Variants in SH3BGRL2 observed in about 807,000 individuals in gnomAD.
SH3BGRL2 encodes the protein SH3 domain binding glutamate rich protein like 2.
Under a neutral mutation model 14.8 loss-of-function variants are expected in SH3BGRL2, and 21 were observed. The ratio of observed to expected loss-of-function variants is 1.42; its 90% CI spans 1.01 to 2.05. The LOEUF (loss-of-function observed/expected upper bound fraction) is 2.05, where lower values mean the gene tolerates loss of function less well. Ranked by LOEUF, SH3BGRL2 falls within the 30% of genes most tolerant of loss-of-function variation. The probability of loss-of-function intolerance (pLI) is 0.00; values close to 1 mark genes in which losing one functional copy is unlikely to be tolerated. For synonymous variants in SH3BGRL2, 50 were observed against 47.8 expected (o/e 1.05, Z -0.19); for missense variants, 147 against 130.8 (o/e 1.12, Z -0.61).
chr6:79,584,048 A>G, the SH3BGRL2 span, among the ~76,000 whole-genome samples: 46 of 152,282 alleles, frequency 3.0e-4, no homozygotes, highest in African/African-American at 1.1e-3. Context: ...GCTGAATGCA[A>G]TTTGTAGGTC....
the SH3BGRL2 span, among the ~76,000 whole-genome samples, chr6:79,586,937 A>G: frequency 6.6e-6 from 1 of 152,218 alleles, no homozygotes; most frequent in African/African-American, 2.4e-5. Flanking sequence ...CAAACTATAG[A>G]ATGTTTCAGA....
At chr6:79,664,045 T>G (rs1425498913) in intron 1 of SH3BGRL2, among the ~76,000 whole-genome samples, 1 of 152,006 alleles carries the variant, frequency 6.6e-6, no homozygotes, top group African/African-American at 2.4e-5. Flanking sequence ...TGAGTGGGAG[T>G]GTCCTGTTTT....
At chr6:79,551,020 A>T in the SH3BGRL2 span, among the ~76,000 whole-genome samples, 1 of 152,230 alleles carries the variant, frequency 6.6e-6, no homozygotes, top group East Asian at 1.9e-4. Context: ...TCAAAAGAGC[A>T]GTGTGCCAGT....
chr6:79,607,618 G>T, the SH3BGRL2 span, among the ~76,000 whole-genome samples: 1 of 152,014 alleles, frequency 6.6e-6, no homozygotes, highest in Non-Finnish European at 1.5e-5. Flanking sequence ...GTCTGTTCTC[G>T]TGTTGCTATA....
chr6:79,600,612 T>A, the SH3BGRL2 span, among the ~76,000 whole-genome samples: 1 of 152,096 alleles, frequency 6.6e-6, no homozygotes, highest in Non-Finnish European at 1.5e-5. Flanking sequence ...AGGAAGCCAA[T>A]GGACCCTCCA....
the SH3BGRL2 span, among the ~76,000 whole-genome samples, chr6:79,556,993 G>A: frequency 3.3e-5 from 5 of 151,492 alleles, no homozygotes; most frequent in East Asian, 9.6e-4. Context: ...AGTCAAACAT[G>A]TGATTTCAGA....
chr6:79,558,700 A>AT, the SH3BGRL2 span, among the ~76,000 whole-genome samples: 1 of 145,438 alleles, frequency 6.9e-6, no homozygotes, highest in South Asian at 2.3e-4. Flanking sequence ...CCCCATCTCT[A>AT]TAAAAAAAAA....
chr6:79,663,928 T>C (rs2127730337), intron 1 of SH3BGRL2, among the ~76,000 whole-genome samples: 1 of 152,302 alleles, frequency 6.6e-6, no homozygotes, highest in African/African-American at 2.4e-5. Flanking sequence ...GTCAGACTGC[T>C]GGGCTAGCAG....
At position 79,631,339 on chromosome 6, in the gene SH3BGRL2, G is replaced by T. The variant is rs1165523550; in HGVS notation, c.-123G>T. The T allele has an allele frequency of 2.3e-6, 2 of 869,408 alleles. No homozygotes were observed. The highest frequency in any genetic ancestry group is 6.7e-5 in the East Asian group (2 of 29,934). 53.9% of individuals were successfully genotyped at this position (869,408 alleles called of 1,614,324 possible). A position where few individuals can be genotyped will look rare whatever the true frequency, so the allele number is the denominator to read the frequency against. ...CGCCGGGAGGGAGCCAGATCCCAGC[G>T]ATCTTCCCCGACGGCAGCGCTTTAC... On this transcript the variant is annotated 5_prime_UTR_variant, in exon 1 of 4. Transcript: ENST00000369838.
At chr6:79,543,303 C>T in the SH3BGRL2 span, among the ~76,000 whole-genome samples, 2 of 152,110 alleles carry the variant, frequency 1.3e-5, no homozygotes, top group African/African-American at 2.4e-5. Context: ...ATATATTTTG[C>T]AGTTACAACA....
At chr6:79,611,461 C>T in the SH3BGRL2 span, among the ~76,000 whole-genome samples, 1 of 144,178 alleles carries the variant, frequency 6.9e-6, no homozygotes, top group South Asian at 2.2e-4. Flanking sequence ...GGCTGGAGTG[C>T]AATGGCGCAA....
intron 1 of SH3BGRL2, among the ~76,000 whole-genome samples, chr6:79,648,713 A>G (rs1436110052): frequency 6.6e-6 from 1 of 152,078 alleles, no homozygotes; most frequent in African/African-American, 2.4e-5. Context: ...ATTTTATTGA[A>G]TGAATGCAAA....
chr6:79,671,469 A>C (rs1019973720), intron 1 of SH3BGRL2, among the ~76,000 whole-genome samples: 2 of 152,164 alleles, frequency 1.3e-5, no homozygotes, highest in Non-Finnish European at 1.5e-5. Context: ...CAAAACAAAA[A>C]AATGACATAG....
At chr6:79,654,817 C>A (rs918134020) in intron 1 of SH3BGRL2, among the ~76,000 whole-genome samples, 4 of 152,022 alleles carry the variant, frequency 2.6e-5, no homozygotes, top group African/African-American at 9.7e-5. Flanking sequence ...AAGGTTTGAT[C>A]CCTTTTACTT....
At chr6:79,624,052 C>A in the SH3BGRL2 span, among the ~76,000 whole-genome samples, 2 of 151,934 alleles carry the variant, frequency 1.3e-5, no homozygotes, top group African/African-American at 4.8e-5. Context: ...CAACAATAAC[C>A]TAAATGCAAA....
rs764823749 is a variant in SH3BGRL2, at chr6:79,675,849, A to AT, written c.231+2060dup. On this transcript the variant is annotated intron_variant, in intron 2 of 3. Transcript: ENST00000369838. ...AGTTGTGTTGTTCCTGTTTTCATTG[A>AT]TTTTTTTTTTCACTTTGTTTTGGTT... Among the ~76,000 whole-genome samples, 34 of 148,110 alleles carry AT rather than the reference A, an allele frequency of 2.3e-4. No homozygotes were observed. In the South Asian group the frequency reaches 2.6e-3, roughly 11 times the overall value.
In SH3BGRL2 at chr6:79,676,633, GTGTGTGTATATATA is replaced by G. The variant is rs1562155130; in HGVS notation, c.231+2836_231+2849del. The stretch of plus-strand genomic sequence containing the variant: ...TGTGTGTGTGTGTGTGTGTGTGTGT[GTGTGTGTATATATA>G]TATAATCTTTTTTGAAAATCTTTGT... On this transcript the variant is annotated intron_variant, in intron 2 of 3. Coordinates refer to ENST00000369838, the MANE Select transcript of SH3BGRL2 (RefSeq NM_031469.4). 4.6e-5 allele frequency among the ~76,000 whole-genome samples: 6 copies of G among 130,086 alleles called. No homozygotes were observed. The South Asian group carries it at 1.5e-3, about 33-fold the overall frequency. 85.3% of individuals were successfully genotyped at this position (130,086 alleles called of 152,430 possible). A position where few individuals can be genotyped will look rare whatever the true frequency, so the allele number is the denominator to read the frequency against.
At position 79,696,582 on chromosome 6, in the gene SH3BGRL2, T is replaced by A; in HGVS notation, c.312+17T>A. The A allele has an allele frequency of 6.6e-7, 1 of 1,522,450 alleles. No homozygotes were observed. The highest frequency in any genetic ancestry group is 8.8e-7 in the Non-Finnish European group (1 of 1,131,096). 94.3% of individuals were successfully genotyped at this position (1,522,450 alleles called of 1,614,324 possible). A position where few individuals can be genotyped will look rare whatever the true frequency, so the allele number is the denominator to read the frequency against. The stretch of plus-strand genomic sequence containing the variant: ...GCATCAAAGGTAGGTAAATCTTTTC[T>A]TATTCTTGTTTTAGAATTCATCTCT... On this transcript the variant is annotated intron_variant, in intron 3 of 3. Coordinates refer to ENST00000369838, the MANE Select transcript of SH3BGRL2 (RefSeq NM_031469.4).
chr6:79,564,779 T>G, the SH3BGRL2 span, among the ~76,000 whole-genome samples: 9 of 152,156 alleles, frequency 5.9e-5, no homozygotes, highest in Admixed American at 4.6e-4. Flanking sequence ...ATGCATTCCA[T>G]TTTTGCAATT....
Sources: allele counts gnomAD v4.1 joint callset (sites outside exome capture counted in the v4.1 genomes callset), GRCh38; gene constraint gnomAD v4.1.1; transcripts MANE v1.5; gene names NCBI Gene and HGNC (gene_info 2026-07-23, HGNC 2026-07-21).